The following CDC25B variants were observed in gnomAD, a reference collection of about 807,000 sequenced individuals.
The protein encoded by CDC25B is cell division cycle 25B.
CDC25B carries 33 observed loss-of-function variants against 69.8 expected under a neutral mutation model. The observed-to-expected ratio is 0.47, with a 90% CI of 0.36 to 0.63. CDC25B has a LOEUF of 0.63. Ranked by LOEUF, CDC25B falls within the 30% of genes least tolerant of loss-of-function variation. The pLI, the probability that CDC25B is intolerant of heterozygous loss-of-function variation, is 0.00. For missense variants in CDC25B, 727 were observed against 809.1 expected, an observed-to-expected ratio of 0.90 and a Z score of 1.23; for synonymous variants, 341 against 314.6, an observed-to-expected ratio of 1.08 and a Z score of -0.89.
At chr20:3,787,189 T>A in intron 1 of CDC25B, 1 of 640,268 alleles carries the variant, frequency 1.6e-6, no homozygotes, top group South Asian at 1.8e-5. Context: ...ATGCATGTCG[T>A]TTTCTTTTTA....
chr20:3,800,912 G>T, intron 6 of CDC25B, 47 bp downstream of exon 6: 4 of 1,612,140 alleles, frequency 2.5e-6, no homozygotes, highest in South Asian at 2.2e-5. Flanking sequence ...GAAGAGGAGG[G>T]GGCATGCTGG....
chr20:3,800,648 G>A lies in CDC25B; in HGVS notation c.460-95G>A, dbSNP rs2089243331. ...TTCAGAGGTAGGTAGGTAAGTGGGA[G>A]GAGCTGGAGGAGAGGTGGAGAAGGT... On this transcript the variant is annotated intron_variant, in intron 5 of 15. Coordinates refer to ENST00000245960, the MANE Select transcript of CDC25B (RefSeq NM_021873.4). The A allele has an allele frequency of 7.5e-6, 12 of 1,591,408 alleles. No homozygotes were observed. The South Asian group carries it at 1.1e-4, about 15-fold the overall frequency.
chr20:3,795,751 A>T, upstream of CDC25B: 1 of 985,502 alleles, frequency 1.0e-6, no homozygotes, highest in Non-Finnish European at 1.2e-6. Flanking sequence ...GCTGCTGCTC[A>T]GCGCAGCCAG....
At position 3,803,521 on chromosome 20, in the gene CDC25B, G is replaced by C. The variant is rs780111315; in HGVS notation, c.1474G>C (p.Glu492Gln). ...CATTTTCCACTGTGAATTCTCATCT[G>C]AGCGTGGGCCCCGCATGTGAGTCCC... ...ILIFHCEFSS[E>Q]RGPRMCRFIR... The change falls in exon 14 of 16, where the codon GAG becomes CAG. Residue 492 changes from glutamate (E) to glutamine (Q), a missense_variant. Transcript: ENST00000245960. This position sits in a 1 kb window ranked among gnomAD's most constrained non-coding sequence, Gnocchi z 4.9. 1.2e-6 allele frequency: 2 copies of C among 1,614,032 alleles called. No individual in the cohort carries two copies. The highest frequency in any genetic ancestry group is 4.5e-5 in the East Asian group (2 of 44,860).
At chr20:3,791,398 T>C (rs1006371679), upstream of CDC25B, among the ~76,000 whole-genome samples, 4 of 152,138 alleles carry the variant, frequency 2.6e-5, no homozygotes, top group Non-Finnish European at 4.4e-5. Context: ...CAATACTTAA[T>C]GCTACTGGGT....
chr20:3,804,829 T>A lies in CDC25B; in HGVS notation c.1611T>A (p.Cys537Ter), dbSNP rs1309870780. 6.2e-7 allele frequency: 1 copy of A among 1,613,998 alleles called. No individual in the cohort carries two copies. The highest frequency in any genetic ancestry group is 1.3e-5 in the African/African-American group (1 of 74,932). Residue 537 changes from cysteine to a stop codon, truncating the protein, a stop_gained, in exon 16 of 16, where the codon TGT (cysteine) becomes TGA (stop). Coordinates refer to ENST00000245960, the MANE Select transcript of CDC25B (RefSeq NM_021873.4). LOFTEE classifies it high-confidence loss of function. The part of the protein sequence containing the change: ...KEFFPQHPNF[C>*]EPQDYRPMNH... ...CTCCTGTCCTGCCCTAGAACTTCTG[T>A]GAACCCCAGGACTACCGGCCCATGA...
intron 14 of CDC25B, 31 bp from the exon 15 acceptor site, chr20:3,804,538 C>G (rs1416052635): frequency 6.8e-7 from 1 of 1,460,036 alleles, no homozygotes; most frequent in South Asian, 1.1e-5. Context: ...GCATGCCCCA[C>G]TCTGACCACA....
rs1288595098 is a variant in CDC25B, at chr20:3,803,982, C to T, written c.1490+445C>T. ...TCTGCCTGGCCATCTGTCCTCCCACCCCTGCCTCCTCCTGGGTTGCCACTG... is the reference window on the plus strand; with the variant it reads ...TCTGCCTGGCCATCTGTCCTCCCACTCCTGCCTCCTCCTGGGTTGCCACTG... On this transcript the variant is annotated intron_variant, in intron 14 of 15. Coordinates refer to ENST00000245960, the MANE Select transcript of CDC25B (RefSeq NM_021873.4). The surrounding 1 kb of genome is among the most constrained non-coding windows in gnomAD (Gnocchi z 4.9). 1.3e-5 allele frequency among the ~76,000 whole-genome samples: 2 copies of T among 152,206 alleles called. No homozygotes were observed. Among genetic ancestry groups the T allele is most frequent in the Non-Finnish European group, 2.9e-5 (2 of 68,026 alleles).
At position 3,801,423 on chromosome 20, in the gene CDC25B, C is replaced by T. The variant is rs200290138; in HGVS notation, c.840+35C>T. 9 of 1,562,326 alleles carry T rather than the reference C, an allele frequency of 5.8e-6. No individual in the cohort carries two copies. The East Asian group carries it at 2.0e-4, about 35-fold the overall frequency. Reference sequence around the variant, plus strand: ...CTTGTCCCACCAGGCCCCTACCTTCCTATCCCTGGGTTCGCCCAAAAGAAG... The same window carrying T: ...CTTGTCCCACCAGGCCCCTACCTTCTTATCCCTGGGTTCGCCCAAAAGAAG... On this transcript the variant is annotated intron_variant, in intron 8 of 15. Coordinates refer to ENST00000245960, the MANE Select transcript of CDC25B (RefSeq NM_021873.4).
intron 3 of CDC25B, 53 bp from the exon 4 acceptor site, chr20:3,800,235 G>T: frequency 2.0e-6 from 2 of 1,024,448 alleles, no homozygotes; most frequent in Non-Finnish European, 2.7e-6. Context: ...GTGCTGGGGT[G>T]GGTGATGGGT....
At chr20:3,786,962 G>A in exon 1 of CDC25B, 1 of 502,628 alleles carries the variant, frequency 2.0e-6, no homozygotes, top group Non-Finnish European at 3.5e-6. Flanking sequence ...GGGACGCGGT[G>A]CATCGCTACT....
chr20:3,788,180 T>A (rs549716092), intron 1 of CDC25B, among the ~76,000 whole-genome samples: 1 of 147,154 alleles, frequency 6.8e-6, no homozygotes, highest in African/African-American at 2.6e-5. Context: ...TAGAGACTCT[T>A]GAAGTGGAGG....
intron 1 of CDC25B, 34 bp from the exon 2 acceptor site, chr20:3,797,588 T>C (rs1399881192): frequency 2.5e-6 from 4 of 1,612,764 alleles, no homozygotes; most frequent in East Asian, 2.2e-5. Flanking sequence ...CACGTTTACC[T>C]TTCTCCTTTC....
rs373883850 is a variant in CDC25B at position 3,800,883 on chromosome 20, C to T, written c.582+18C>T. The T allele has an allele frequency of 4.2e-5, 68 of 1,613,184 alleles. No homozygotes were observed. The highest frequency in any genetic ancestry group is 1.6e-4 in the Middle Eastern group (1 of 6,084). On this transcript the variant is annotated intron_variant, in intron 6 of 15. Transcript: ENST00000245960. Reference sequence around the variant, plus strand: ...AGGAGAATGTGCGCTTCTGGAAGGCCGGGGTGGGAGCTCTCCGGGAAGAGG... The same window carrying T: ...AGGAGAATGTGCGCTTCTGGAAGGCTGGGGTGGGAGCTCTCCGGGAAGAGG...
At chr20:3,800,138 G>A (rs562884935) in intron 3 of CDC25B, 150 bp from the exon 4 acceptor site, 24 of 652,090 alleles carry the variant, frequency 3.7e-5, no homozygotes, top group African/African-American at 1.3e-4. Flanking sequence ...CCCCCTGATG[G>A]TGGGCGTTCT....
rs562798810 is a variant in CDC25B, at chr20:3,801,585, G to C, written c.841-137G>C. On this transcript the variant is annotated intron_variant, in intron 8 of 15. Coordinates refer to ENST00000245960, the MANE Select transcript of CDC25B (RefSeq NM_021873.4). ...CTGGTGCCACAGTGGAGGGCGGTTT[G>C]GGAGGTAGGGGAGCTTCTCACCCCA... is the stretch of plus-strand genomic sequence containing the variant. 3 of 1,000,992 alleles carry C rather than the reference G, an allele frequency of 3.0e-6. No homozygotes were observed. In the South Asian group the frequency reaches 4.9e-5, roughly 16 times the overall value. The allele number at this position is 1,000,992 out of a possible 1,614,324, so 62.0% of individuals were successfully genotyped here.
chr20:3,804,331 G>A (rs978259645), intron 14 of CDC25B, among the ~76,000 whole-genome samples: 1 of 152,174 alleles, frequency 6.6e-6, no homozygotes, highest in Non-Finnish European at 1.5e-5. Flanking sequence ...CAAAGATTGT[G>A]CAACTGCCTT....
chr20:3,794,145 C>T (rs2088967183), upstream of CDC25B, among the ~76,000 whole-genome samples: 2 of 150,594 alleles, frequency 1.3e-5, no homozygotes, highest in Admixed American at 1.3e-4. Context: ...AATGGTATTT[C>T]TAGTTCTAGA....
chr20:3,797,881 C>A, intron 2 of CDC25B, 132 bp downstream of exon 2: 2 of 1,095,718 alleles, frequency 1.8e-6, no homozygotes, highest in Non-Finnish European at 2.6e-6. Flanking sequence ...GAGCCTCTCC[C>A]CCACCCTCCA....
Sources: gnomAD v4.1 joint callset for allele counts (sites outside exome capture counted in the v4.1 genomes callset) on GRCh38, gnomAD v4.1.1 for gene constraint, Gnocchi (gnomAD v3.1) non-coding constraint, MANE v1.5 for transcripts, NCBI Gene and HGNC (gene_info 2026-07-23, HGNC 2026-07-21) for gene names.